Variants in MAPK4 observed in about 807,000 individuals in gnomAD.
MAPK4 encodes the protein Erk3-related.
A neutral mutation model predicts 47.7 loss-of-function variants in MAPK4; 22 were observed. The observed-to-expected ratio is 0.46, with a 90% CI of 0.33 to 0.66. The LOEUF is 0.66. Among genes scored for constraint, MAPK4 ranks in the 30% least tolerant of loss-of-function variants. The pLI, the probability that MAPK4 is intolerant of heterozygous loss-of-function variation, is 0.02. For synonymous variants in MAPK4, 390 were observed against 365.7 expected (o/e 1.07, Z -0.76); for missense variants, 736 against 831.7 (o/e 0.88, Z 1.42).
intron 1 of MAPK4, among the ~76,000 whole-genome samples, chr18:50,625,032 G>A (rs1038734187): frequency 1.3e-5 from 2 of 152,066 alleles, no homozygotes; most frequent in Admixed American, 6.5e-5. Context: ...TCACTCTCTG[G>A]GGTACCTGGA....
chr18:50,729,044 G>C, intron 5 of MAPK4, 114 bp from the exon 6 acceptor site: 2 of 881,698 alleles, frequency 2.3e-6, no homozygotes, highest in South Asian at 3.5e-5. Flanking sequence ...CACCTTGAGG[G>C]ATGGGGGTCG....
At chr18:50,638,007 C>G (rs1428038953) in intron 1 of MAPK4, among the ~76,000 whole-genome samples, 2 of 152,218 alleles carry the variant, frequency 1.3e-5, no homozygotes, top group Non-Finnish European at 1.5e-5. Context: ...ACAAGTCAGT[C>G]TAACAAGTGG....
chr18:50,563,028 T>G (rs2042167614), intron 1 of MAPK4, among the ~76,000 whole-genome samples: 1 of 152,194 alleles, frequency 6.6e-6, no homozygotes, highest in African/African-American at 2.4e-5. Flanking sequence ...GATTTTTTTC[T>G]CCCTAAATTA....
intron 2 of MAPK4, among the ~76,000 whole-genome samples, chr18:50,693,861 T>G (rs1909365718): frequency 6.6e-6 from 1 of 151,992 alleles, no homozygotes; most frequent in African/African-American, 2.4e-5. Context: ...TGGGCTTGAC[T>G]CCAGGACTTC....
intron 1 of MAPK4, among the ~76,000 whole-genome samples, chr18:50,626,652 G>C (rs776659709): frequency 6.6e-6 from 1 of 151,560 alleles, no homozygotes; most frequent in Non-Finnish European, 1.5e-5. Flanking sequence ...CTTTCTTCCC[G>C]TCTCCTCCCT....
In MAPK4 at chr18:50,665,366, C is replaced by T. The variant is rs9966381; in HGVS notation, c.546+862C>T. 8.7e-3 allele frequency among the ~76,000 whole-genome samples: 1,329 copies of T among 152,322 alleles called. 21 individuals carry two copies. Among genetic ancestry groups the T allele is most frequent in the African/African-American group, 0.03 (1,252 of 41,562 alleles). ...TGAGCCCCTCAGCATGAGCATGTTG[C>T]CATGTACCCTGCAACAGAGCTGGGG... On this transcript the variant is annotated intron_variant, in intron 2 of 5. Transcript: ENST00000400384.
chr18:50,614,225 T>TTA (rs1312897056), intron 1 of MAPK4, among the ~76,000 whole-genome samples: 1 of 152,092 alleles, frequency 6.6e-6, no homozygotes, highest in Non-Finnish European at 1.5e-5. Context: ...TAATGTTGCT[T>TTA]TATATAACTA....
At chr18:50,695,016 C>T (rs1909423739) in intron 2 of MAPK4, among the ~76,000 whole-genome samples, 1 of 152,112 alleles carries the variant, frequency 6.6e-6, no homozygotes, top group African/African-American at 2.4e-5. Context: ...TTGCTCTCTG[C>T]CTGTCAGAAG....
At chr18:50,563,636 A>G (rs1479800930) in intron 1 of MAPK4, among the ~76,000 whole-genome samples, 1 of 152,112 alleles carries the variant, frequency 6.6e-6, no homozygotes, top group Non-Finnish European at 1.5e-5. Context: ...CAAGGCCAAG[A>G]ATGTGACTTT....
intron 2 of MAPK4, among the ~76,000 whole-genome samples, chr18:50,666,038 C>T (rs540570483): frequency 6.6e-6 from 1 of 152,164 alleles, no homozygotes; most frequent in East Asian, 1.9e-4. Context: ...CCACAAGACT[C>T]TTATATGTGG....
intron 1 of MAPK4, among the ~76,000 whole-genome samples, chr18:50,628,521 T>C (rs1476562421): frequency 6.6e-6 from 1 of 151,690 alleles, no homozygotes; most frequent in Non-Finnish European, 1.5e-5. Context: ...TTTAGAATAA[T>C]GCTGTTAAGA....
rs1423805767 is a variant in MAPK4 at position 50,731,398 on chromosome 18, C to G, written c.*1544C>G. ...CCAAAGATACCCACAGGAAGTCCAG[C>G]CAGTTTCCAGGTAGAGGATTCCACC... On this transcript the variant is annotated 3_prime_UTR_variant, in exon 6 of 6. Transcript: ENST00000400384. 2 of 152,280 alleles carry G rather than the reference C, an allele frequency of 1.3e-5. No homozygotes were observed. Among genetic ancestry groups the G allele is most frequent in the Non-Finnish European group, 2.9e-5 (2 of 68,072 alleles). 9.4% of individuals were successfully genotyped at this position (152,280 alleles called of 1,614,324 possible).
chr18:50,730,433 G>T lies in MAPK4; in HGVS notation c.*579G>T, dbSNP rs1049712. The T allele has an allele frequency of 6.6e-6, 1 of 152,654 alleles. No homozygotes were observed. Among genetic ancestry groups the T allele is most frequent in the African/African-American group, 2.4e-5 (1 of 41,432 alleles). 9.5% of individuals were successfully genotyped at this position (152,654 alleles called of 1,614,324 possible). A position where few individuals can be genotyped will look rare whatever the true frequency, so the allele number is the denominator to read the frequency against. ...GTTTCTTCCCTGTCCATTACCATTC[G>T]ATGTTCTTTTATTCAGAGCAATGTT... On this transcript the variant is annotated 3_prime_UTR_variant, in exon 6 of 6. Transcript: ENST00000400384.
At chr18:50,643,023 C>T (rs1344090546) in intron 1 of MAPK4, among the ~76,000 whole-genome samples, 1 of 152,190 alleles carries the variant, frequency 6.6e-6, no homozygotes, top group South Asian at 2.1e-4. Context: ...AGCAGCAGCT[C>T]TCAACTCAAT....
chr18:50,650,036 G>A (rs953637991), intron 1 of MAPK4, among the ~76,000 whole-genome samples: 1 of 152,228 alleles, frequency 6.6e-6, no homozygotes, highest in African/African-American at 2.4e-5. Flanking sequence ...GTTAAATCCA[G>A]TTCCTGTCCT....
Position 50,731,206 on chromosome 18 carries a change from T to G in MAPK4, c.*1352T>G, listed in dbSNP as rs1911546257. The stretch of plus-strand genomic sequence containing the variant: ...ATAGTGTAGGCTAAGGTGAGTTTGG[T>G]GCATGCAAACCTGTGTGCTCACCCA... On this transcript the variant is annotated 3_prime_UTR_variant, in exon 6 of 6. Coordinates refer to ENST00000400384, the MANE Select transcript of MAPK4 (RefSeq NM_002747.4). The G allele has an allele frequency of 6.6e-6, 1 of 152,276 alleles. No individual in the cohort carries two copies. Among genetic ancestry groups the G allele is most frequent in the Non-Finnish European group, 1.5e-5 (1 of 68,104 alleles). 9.4% of individuals were successfully genotyped at this position (152,276 alleles called of 1,614,324 possible).
At chr18:50,650,544 G>T (rs1212221302) in intron 1 of MAPK4, among the ~76,000 whole-genome samples, 2 of 152,284 alleles carry the variant, frequency 1.3e-5, no homozygotes, top group South Asian at 4.1e-4. Context: ...CTGGCCTTAA[G>T]GGGGCTTGGC....
rs540695174 is a variant in MAPK4, at chr18:50,587,556, C to T, written c.-871+27313C>T. Among the ~76,000 whole-genome samples, 5 of 152,304 alleles carry T rather than the reference C, an allele frequency of 3.3e-5. No homozygotes were observed. The South Asian group carries it at 8.3e-4, about 25-fold the overall frequency. Reference sequence around the variant, plus strand: ...GCCTAGGCCTCCTAGGTCTCCACCACCAGTCCTTTTCTGACATCCCAGTAG... The same window carrying T: ...GCCTAGGCCTCCTAGGTCTCCACCATCAGTCCTTTTCTGACATCCCAGTAG... On this transcript the variant is annotated intron_variant, in intron 1 of 5. Coordinates refer to ENST00000400384, the MANE Select transcript of MAPK4 (RefSeq NM_002747.4).
chr18:50,574,440 C>T (rs1385250017), intron 1 of MAPK4, among the ~76,000 whole-genome samples: 1 of 152,180 alleles, frequency 6.6e-6, no homozygotes, highest in Non-Finnish European at 1.5e-5. Flanking sequence ...AGTATTTATT[C>T]TCTTGTTTTA....
Sources: allele counts gnomAD v4.1 joint callset (sites outside exome capture counted in the v4.1 genomes callset), GRCh38; gene constraint gnomAD v4.1.1; transcripts MANE v1.5; gene names NCBI Gene and HGNC (gene_info 2026-07-23, HGNC 2026-07-21).